ARHGAP32: variants seen among roughly 807,000 people sequenced by gnomAD.
ARHGAP32 encodes rho GTPase-activating protein 32.
In ARHGAP32, 51 loss-of-function variants were observed where a neutral mutation model predicts 186.5. The observed-to-expected ratio is 0.27, with a 90% CI of 0.22 to 0.35. The LOEUF (loss-of-function observed/expected upper bound fraction) is 0.35, where lower values mean the gene tolerates loss of function less well. Ranked by LOEUF, ARHGAP32 falls within the 10% of genes least tolerant of loss-of-function variation. The pLI is 1.00. For synonymous variants in ARHGAP32, 950 were observed against 964.3 expected (o/e 0.99, Z 0.27); for missense variants, 2,186 against 2,623.5 (o/e 0.83, Z 3.64).
At chr11:129,274,060 C>T (rs919374413) in intron 1 of ARHGAP32, among the ~76,000 whole-genome samples, 1 of 151,022 alleles carries the variant, frequency 6.6e-6, no homozygotes, top group Non-Finnish European at 1.5e-5. Context: ...CAGAATTTTA[C>T]TTCTATTCTG....
At chr11:129,093,190 G>C (rs2135270077) in intron 6 of ARHGAP32, among the ~76,000 whole-genome samples, 1 of 152,110 alleles carries the variant, frequency 6.6e-6, no homozygotes, top group Middle Eastern at 3.4e-3. Flanking sequence ...CATAATATGT[G>C]ATCAATAGCT....
intron 5 of ARHGAP32, among the ~76,000 whole-genome samples, chr11:129,096,659 G>A (rs536545857): frequency 1.3e-5 from 2 of 152,204 alleles, no homozygotes; most frequent in African/African-American, 4.8e-5. Flanking sequence ...TCTATGCTGT[G>A]GCTGCGGATC....
intron 15 of ARHGAP32, among the ~76,000 whole-genome samples, chr11:128,984,588 C>T (rs1472286718): frequency 6.6e-6 from 1 of 152,046 alleles, no homozygotes; most frequent in Admixed American, 6.6e-5. Context: ...GAGATACACA[C>T]ACATATAAGT....
rs1172457973 is a variant in ARHGAP32, at chr11:128,998,387, C to T, written c.1127G>A (p.Arg376Gln). 22 of 1,600,968 alleles carry T rather than the reference C, an allele frequency of 1.4e-5. No homozygotes were observed. Among genetic ancestry groups the T allele is most frequent in the Middle Eastern group, 3.3e-4 (2 of 6,050 alleles). ...AAACACCCTCTCTTTCAAGATTCCCCGCTGCTTCAGCTTCTGTTTTGTTGG... is the reference window on the plus strand; with the variant it reads ...AAACACCCTCTCTTTCAAGATTCCCTGCTGCTTCAGCTTCTGTTTTGTTGG... ...SRPTKQKLKQ[R>Q]GILKERVFGC... The change falls in exon 12 of 23, where the codon CGG becomes CAG. Residue 376 changes from arginine (R) to glutamine (Q), a missense_variant. This residue lies in a region of ARHGAP32 where 308 missense variants were observed against 596.5 expected (regional missense o/e 0.52). Coordinates refer to ENST00000682385, the MANE Select transcript of ARHGAP32 (RefSeq NM_001378024.1).
At chr11:128,987,012 T>A (rs1347675811) in intron 13 of ARHGAP32, among the ~76,000 whole-genome samples, 2 of 152,218 alleles carry the variant, frequency 1.3e-5, no homozygotes, top group Non-Finnish European at 2.9e-5. Context: ...ATTTTGGCAA[T>A]TCCAGAGACT....
chr11:129,244,185 T>A (rs1021169309), intron 1 of ARHGAP32, among the ~76,000 whole-genome samples: 1 of 152,172 alleles, frequency 6.6e-6, no homozygotes, highest in African/African-American at 2.4e-5. Context: ...GGTACTATTA[T>A]TTCCATTTTG....
chr11:129,016,845 A>G (rs1286894918), intron 11 of ARHGAP32, among the ~76,000 whole-genome samples: 3 of 152,244 alleles, frequency 2.0e-5, no homozygotes, highest in African/African-American at 7.2e-5. Flanking sequence ...TTCCATGAAC[A>G]TAATAGATCT....
intron 1 of ARHGAP32, among the ~76,000 whole-genome samples, chr11:129,213,597 GATA>G (rs1165427894): frequency 6.6e-6 from 1 of 152,018 alleles, no homozygotes; most frequent in African/African-American, 2.4e-5. Context: ...AATATTATAT[GATA>G]ATATTAAATG....
chr11:129,084,732 G>A (rs1280269055), intron 6 of ARHGAP32, among the ~76,000 whole-genome samples: 3 of 152,028 alleles, frequency 2.0e-5, no homozygotes, highest in African/African-American at 4.8e-5. Context: ...AAACTCTCCC[G>A]CTTGGATCAA....
At chr11:129,232,721 T>C (rs1473337204) in intron 1 of ARHGAP32, among the ~76,000 whole-genome samples, 1 of 152,126 alleles carries the variant, frequency 6.6e-6, no homozygotes, top group African/African-American at 2.4e-5. Flanking sequence ...TTCCTTGCAG[T>C]TGTAGGATGA....
Position 129,263,074 on chromosome 11 carries a change from T to C in ARHGAP32, c.-5+16072A>G, listed in dbSNP as rs56881638. On this transcript the variant is annotated intron_variant, in intron 1 of 6. Transcript: ENST00000525234. The stretch of plus-strand genomic sequence containing the variant: ...AAAATGAAATTAGAGTCTTACCTTA[T>C]ACCATATACAAAAATTAACTCAAAG... Among the ~76,000 whole-genome samples, 883 of 152,256 alleles carry C rather than the reference T, an allele frequency of 5.8e-3. 5 individuals carry two copies. The highest frequency in any genetic ancestry group is 0.02 in the African/African-American group (823 of 41,538).
rs187186329 is a variant in ARHGAP32 at position 129,259,422 on chromosome 11, G to A, written c.-5+19724C>T. Among the ~76,000 whole-genome samples the A allele has an allele frequency of 1.5e-3, 228 of 151,812 alleles. 1 individual carries two copies. Among genetic ancestry groups the A allele is most frequent in the Non-Finnish European group, 2.8e-3 (189 of 67,900 alleles). On this transcript the variant is annotated intron_variant, in intron 1 of 6. Coordinates refer to the ARHGAP32 transcript ENST00000525234. The stretch of plus-strand genomic sequence containing the variant: ...TTACTAGTTTTTTGTTAAGCACTTT[G>A]GAAGAAAAAAAAGAGTACTGCAAAT...
chr11:129,085,997 A>AAAAC (rs1185381573), intron 6 of ARHGAP32, among the ~76,000 whole-genome samples: 13 of 148,984 alleles, frequency 8.7e-5, no homozygotes, highest in South Asian at 4.2e-4. Context: ...CCATCTCAAA[A>AAAAC]AAACAAACAA....
At chr11:129,216,669 TAAAAAA>T (rs201308944) in intron 1 of ARHGAP32, among the ~76,000 whole-genome samples, 4 of 119,104 alleles carry the variant, frequency 3.4e-5, no homozygotes, top group Non-Finnish European at 5.1e-5. Flanking sequence ...AGACTGTCTT[TAAAAAA>T]AAAAAAAAAA....
chr11:129,123,896 G>A lies in ARHGAP32; in HGVS notation c.351C>T (p.Asn117=). Residue 117 remains asparagine (N), a synonymous_variant, in exon 4 of 23, where the codon AAC becomes AAT. Coordinates refer to ENST00000682385, the MANE Select transcript of ARHGAP32 (RefSeq NM_001378024.1). The surrounding 1 kb of genome is among the most constrained non-coding windows in gnomAD (Gnocchi z 4.6). ...STTPGLMGCD[N]IHRLPFTKGH... ...AGAAAACCAGATTTTACCTGTGAAT[G>A]TTGTCACAGCCCATCAGTCCTGGAG... 7.7e-7 allele frequency: 1 copy of A among 1,294,966 alleles called. No individual in the cohort carries two copies. Among genetic ancestry groups the A allele is most frequent in the Non-Finnish European group, 1.0e-6 (1 of 992,588 alleles). The allele number at this position is 1,294,966 out of a possible 1,614,324, so 80.2% of individuals were successfully genotyped here.
intron 1 of ARHGAP32, among the ~76,000 whole-genome samples, chr11:129,171,753 C>T (rs1943766672): frequency 6.6e-6 from 1 of 152,174 alleles, no homozygotes; most frequent in Non-Finnish European, 1.5e-5. Flanking sequence ...CTATAAATTA[C>T]TTCAGGCAGT....
intron 2 of ARHGAP32, among the ~76,000 whole-genome samples, chr11:129,155,354 T>C (rs1179529633): frequency 6.6e-6 from 1 of 152,216 alleles, no homozygotes. Context: ...TGTCATACTT[T>C]TAAGGCACAG....
At chr11:129,143,619 G>A (rs1442686518) in intron 2 of ARHGAP32, among the ~76,000 whole-genome samples, 2 of 152,104 alleles carry the variant, frequency 1.3e-5, no homozygotes, top group African/African-American at 4.8e-5. Flanking sequence ...CTTAATAATA[G>A]CCCCAAAGCA....
intron 1 of ARHGAP32, among the ~76,000 whole-genome samples, chr11:129,201,047 AACT>A (rs1169051761): frequency 3.3e-5 from 5 of 152,206 alleles, no homozygotes; most frequent in Admixed American, 3.3e-4. Flanking sequence ...GAAAATTAAC[AACT>A]ACAACAGAAA....
Sources: allele counts gnomAD v4.1 joint callset (sites outside exome capture counted in the v4.1 genomes callset), GRCh38; gene constraint gnomAD v4.1.1; regional missense constraint gnomAD v4.1.1; non-coding constraint Gnocchi (gnomAD v3.1); transcripts MANE v1.5; gene names NCBI Gene and HGNC (gene_info 2026-07-23, HGNC 2026-07-21).